PITPNC1: variants seen among roughly 807,000 people sequenced by gnomAD.
PITPNC1 encodes cytoplasmic phosphatidylinositol transfer protein 1.
A neutral mutation model predicts 44.7 loss-of-function variants in PITPNC1; 18 were observed. The observed-to-expected ratio is 0.40, with a 90% CI of 0.28 to 0.60. The LOEUF (loss-of-function observed/expected upper bound fraction) is 0.60, where lower values mean the gene tolerates loss of function less well. PITPNC1 is among the 20% of genes least tolerant of loss of function. The pLI, the probability that PITPNC1 is intolerant of heterozygous loss-of-function variation, is 0.39. For synonymous variants in PITPNC1, 141 were observed against 149.6 expected (o/e 0.94, Z 0.42); for missense variants, 290 against 418.4 (o/e 0.69, Z 2.68).
At chr17:67,424,206 A>G (rs915716328) in intron 1 of PITPNC1, among the ~76,000 whole-genome samples, 2 of 152,082 alleles carry the variant, frequency 1.3e-5, no homozygotes, top group African/African-American at 4.8e-5. Flanking sequence ...CCAATAGAGA[A>G]AGGACTTTCA....
rs543228595 is a variant in PITPNC1, at chr17:67,434,037, G to A, written c.48+55835G>A. ...TGGTCCTGCTCCTGGGGCTTAGAAC[G>A]GGACCTGGTTCTCCAGGGAGGTGAA... On this transcript the variant is annotated intron_variant, in intron 1 of 8. Coordinates refer to ENST00000581322, the MANE Select transcript of PITPNC1 (RefSeq NM_012417.4). Among the ~76,000 whole-genome samples, 8 of 152,272 alleles carry A rather than the reference G, an allele frequency of 5.3e-5. No individual in the cohort carries two copies. In the South Asian group the frequency reaches 1.0e-3, roughly 20 times the overall value.
intron 1 of PITPNC1, among the ~76,000 whole-genome samples, chr17:67,501,993 C>T (rs770543422): frequency 5.9e-5 from 9 of 152,128 alleles, no homozygotes; most frequent in South Asian, 2.1e-4. Flanking sequence ...ATTAAATTAA[C>T]GAGGATTAAA....
intron 1 of PITPNC1, among the ~76,000 whole-genome samples, chr17:67,391,060 C>CGTGTGTGT (rs80236076): frequency 0.016 from 2,290 of 146,832 alleles, 56 homozygotes; most frequent in East Asian, 0.066. Flanking sequence ...ACTTTTTTAG[C>CGTGTGTGT]GTGTGTGTGT....
chr17:67,692,739 G>A lies in PITPNC1; in HGVS notation c.850G>A (p.Ala284Thr), dbSNP rs762934912. Residue 284 changes from alanine to threonine, a missense_variant, in exon 9 of 9, where the codon GCA (alanine) becomes ACA (threonine). Coordinates refer to ENST00000581322, the MANE Select transcript of PITPNC1 (RefSeq NM_012417.4). ...SAPSTPLSTD[A>T]PEFLSVPKDR... ...TCCATCCACCCCTCTCTCCACAGAC[G>A]CACCCGAATTTCTGTCCGTTCCCAA... 5.6e-6 allele frequency: 9 copies of A among 1,613,552 alleles called. No homozygotes were observed. The highest frequency in any genetic ancestry group is 1.3e-5 in the African/African-American group (1 of 74,828).
intron 1 of PITPNC1, among the ~76,000 whole-genome samples, chr17:67,531,035 G>A (rs895451787): frequency 1.3e-5 from 2 of 152,292 alleles, no homozygotes; most frequent in African/African-American, 4.8e-5. Context: ...TTGAGCCCAG[G>A]AGTTCAAGAC....
At chr17:67,528,903 A>G (rs2040424917) in intron 1 of PITPNC1, among the ~76,000 whole-genome samples, 1 of 152,104 alleles carries the variant, frequency 6.6e-6, no homozygotes, top group African/African-American at 2.4e-5. Flanking sequence ...CGAGATTTAA[A>G]AACAGCAACA....
intron 1 of PITPNC1, among the ~76,000 whole-genome samples, chr17:67,518,651 A>G (rs2040287549): frequency 6.6e-6 from 1 of 152,196 alleles, no homozygotes; most frequent in South Asian, 2.1e-4. Context: ...AAAAAAACAA[A>G]CAAACAAACA....
At chr17:67,663,660 G>A (rs2042380818) in intron 6 of PITPNC1, among the ~76,000 whole-genome samples, 1 of 151,978 alleles carries the variant, frequency 6.6e-6, no homozygotes, top group Non-Finnish European at 1.5e-5. Context: ...AGTGTGCCCA[G>A]AATAACAGCA....
chr17:67,668,872 A>G (rs1598962681), intron 6 of PITPNC1, among the ~76,000 whole-genome samples: 3 of 152,022 alleles, frequency 2.0e-5, no homozygotes, highest in Admixed American at 2.0e-4. Flanking sequence ...AAAAAAAAGA[A>G]AGAAAGAAAA....
intron 1 of PITPNC1, among the ~76,000 whole-genome samples, chr17:67,495,301 G>A (rs1230593124): frequency 2.6e-5 from 4 of 151,718 alleles, no homozygotes; most frequent in East Asian, 3.9e-4. Flanking sequence ...CTCATGATCC[G>A]TCCGCCTCAG....
chr17:67,478,701 T>A (rs1184198168), intron 1 of PITPNC1, among the ~76,000 whole-genome samples: 1 of 152,146 alleles, frequency 6.6e-6, no homozygotes, highest in Non-Finnish European at 1.5e-5. Flanking sequence ...AGGGTCTCTG[T>A]GGCCCTCTTT....
intron 5 of PITPNC1, among the ~76,000 whole-genome samples, chr17:67,606,439 G>A (rs1303304746): frequency 2.0e-5 from 3 of 152,128 alleles, no homozygotes; most frequent in East Asian, 3.8e-4. Flanking sequence ...GTGAAGTTTC[G>A]CACTGAAAAC....
chr17:67,685,921 C>G (rs2042806900), intron 8 of PITPNC1, among the ~76,000 whole-genome samples: 1 of 152,032 alleles, frequency 6.6e-6, no homozygotes, highest in African/African-American at 2.4e-5. Context: ...ACCTCTGCCT[C>G]CCGGGTTCAA....
At chr17:67,430,967 C>T (rs1345518117) in intron 1 of PITPNC1, among the ~76,000 whole-genome samples, 1 of 151,806 alleles carries the variant, frequency 6.6e-6, no homozygotes. Context: ...AAAACCAAAC[C>T]ACACAACAAC....
In PITPNC1 at chr17:67,377,298, G is replaced by GC; in HGVS notation, c.-853dup. On this transcript the variant is annotated 5_prime_UTR_variant, in exon 1 of 9. Coordinates refer to ENST00000581322, the MANE Select transcript of PITPNC1 (RefSeq NM_012417.4). ...TCGCTCCTCCCGCACCCACCTCCCG[G>GC]CCCCAGGCACACTGCATCGGCGCGG... 1 of 152,434 alleles carries GC rather than the reference G, an allele frequency of 6.6e-6. No homozygotes were observed. 9.4% of individuals were successfully genotyped at this position (152,434 alleles called of 1,614,324 possible).
At chr17:67,592,486 A>C (rs1410257599) in intron 5 of PITPNC1, among the ~76,000 whole-genome samples, 1 of 152,246 alleles carries the variant, frequency 6.6e-6, no homozygotes, top group Admixed American at 6.5e-5. Flanking sequence ...GGATTGTCAT[A>C]AATTGTAAAA....
chr17:67,475,214 G>T (rs1016717336), intron 1 of PITPNC1, among the ~76,000 whole-genome samples: 3 of 152,288 alleles, frequency 2.0e-5, no homozygotes, highest in East Asian at 3.9e-4. Flanking sequence ...TCGCGGTGGA[G>T]GGTGTTTTGC....
chr17:67,593,327 G>A (rs567236828), intron 5 of PITPNC1, among the ~76,000 whole-genome samples: 30 of 151,654 alleles, frequency 2.0e-4, no homozygotes, highest in African/African-American at 6.5e-4. Flanking sequence ...GGACAGAATC[G>A]GAATCAAATA....
chr17:67,401,080 A>G (rs1049224627), intron 1 of PITPNC1, among the ~76,000 whole-genome samples: 5 of 151,948 alleles, frequency 3.3e-5, no homozygotes, highest in African/African-American at 1.2e-4. Flanking sequence ...GATTACAAGC[A>G]TGCACCACCA....
Sources: gnomAD v4.1 joint callset for allele counts (sites outside exome capture counted in the v4.1 genomes callset) on GRCh38, gnomAD v4.1.1 for gene constraint, MANE v1.5 for transcripts, NCBI Gene and HGNC (gene_info 2026-07-23, HGNC 2026-07-21) for gene names.